The following ZNF746 variants were observed in gnomAD, a reference collection of about 807,000 sequenced individuals.
ZNF746 encodes the protein zinc finger protein 746.
ZNF746 carries 13 observed loss-of-function variants against 41.0 expected under a neutral mutation model. That is an observed-to-expected ratio of 0.32 (90% confidence interval 0.21 to 0.50). The LOEUF (loss-of-function observed/expected upper bound fraction) is 0.50. Among genes scored for constraint, ZNF746 ranks in the 20% least tolerant of loss-of-function variants. ZNF746 has a pLI of 0.98. For synonymous variants in ZNF746, 424 were observed against 396.2 expected (o/e 1.07, Z -0.83); for missense variants, 811 against 922.9 (o/e 0.88, Z 1.57).
At chr7:149,477,153 G>A (rs1220688382) in intron 5 of ZNF746, 106 bp from the exon 6 acceptor site, 1 of 1,397,026 alleles carries the variant, frequency 7.2e-7, no homozygotes, top group Non-Finnish European at 9.5e-7. Context: ...CCCACTGGGG[G>A]CTTTTCTGAG....
rs776729144 is a variant in ZNF746 at position 149,494,086 on chromosome 7, C to A, written c.354G>T (p.Val118=). 1.9e-6 allele frequency: 3 copies of A among 1,614,054 alleles called. No individual in the cohort carries two copies. Among genetic ancestry groups the A allele is most frequent in the Non-Finnish European group, 1.7e-6 (2 of 1,180,052 alleles). ...KVPVTFDDVA[V]YFSEQEWGKL... is the part of the protein sequence containing the mutation. ...TGCCCCACTCCTGCTCGGAGAAATA[C>A]ACGGCCACATCATCAAAGGTCACGG... is the stretch of plus-strand genomic sequence containing the variant. The change falls in exon 3 of 7, where the codon GTG becomes GTT. Residue 118 remains valine (V), a synonymous_variant. Transcript: ENST00000458143. This position sits in a 1 kb window ranked among gnomAD's most constrained non-coding sequence, Gnocchi z 5.6.
chr7:149,474,704 G>A lies in ZNF746; in HGVS notation c.1663C>T (p.Pro555Ser). The change falls in exon 7 of 7, where the codon CCC becomes TCC. Residue 555 changes from proline (P) to serine (S), a missense_variant. By Grantham distance (74) the Pro-to-Ser change is moderately conservative. Coordinates refer to ENST00000458143, the MANE Select transcript of ZNF746 (RefSeq NM_001394198.1). The surrounding 1 kb of genome is among the most constrained non-coding windows in gnomAD (Gnocchi z 6.3). The stretch of plus-strand genomic sequence containing the variant: ...AAGCGCTTCTCACACTCGGTGCAGG[G>A]GAAGGGCCGCTCGCCGGTGTGCAGC... ...RMLHTGERPF[P>S]CTECEKRFTE... 6.2e-7 allele frequency: 1 copy of A among 1,612,676 alleles called. No individual in the cohort carries two copies. Among genetic ancestry groups the A allele is most frequent in the Non-Finnish European group, 8.5e-7 (1 of 1,179,720 alleles).
chr7:149,486,830 G>A (rs773931414), intron 4 of ZNF746, among the ~76,000 whole-genome samples: 7 of 152,194 alleles, frequency 4.6e-5, no homozygotes, highest in Non-Finnish European at 8.8e-5. Context: ...CATGCTGGGT[G>A]TTGGGAATAT....
intron 4 of ZNF746, among the ~76,000 whole-genome samples, chr7:149,481,025 C>A (rs1300552989): frequency 6.6e-6 from 1 of 152,168 alleles, no homozygotes; most frequent in Admixed American, 6.5e-5. Flanking sequence ...AATAAATCCA[C>A]ATCTAGACAC....
chr7:149,491,387 G>C (rs888619225), intron 4 of ZNF746: 4 of 160,042 alleles, frequency 2.5e-5, no homozygotes, highest in African/African-American at 9.6e-5. Context: ...TCCACACATG[G>C]TGTAAATACA....
chr7:149,476,312 TC>T (rs1800299686), intron 6 of ZNF746, among the ~76,000 whole-genome samples: 1 of 22,486 alleles, frequency 4.4e-5, no homozygotes, highest in Admixed American at 8.1e-4. Flanking sequence ...AGACTCCGCC[TC>T]AAAAAAAAAA....
intron 4 of ZNF746, among the ~76,000 whole-genome samples, chr7:149,482,041 A>G (rs573362245): frequency 6.6e-6 from 1 of 152,248 alleles, no homozygotes; most frequent in Admixed American, 6.5e-5. Flanking sequence ...ATGTTACTTC[A>G]ACGTATAATC....
At position 149,497,576 on chromosome 7, in the gene ZNF746, TCGC is replaced by T. The variant is rs1184655298; in HGVS notation, c.-43_-41del. The T allele has an allele frequency of 1.8e-5, 19 of 1,046,374 alleles. No individual in the cohort carries two copies. The highest frequency in any genetic ancestry group is 8.7e-5 in the South Asian group (2 of 22,934). 64.8% of individuals were successfully genotyped at this position (1,046,374 alleles called of 1,614,324 possible). ...CCGCCCGGCCCGGAGGAAGTCGTCG[TCGC>T]CGCCGCCGCGCGCGGCACCACGCAG... On this transcript the variant is annotated 5_prime_UTR_variant, in exon 1 of 7. Transcript: ENST00000458143. This position sits in a 1 kb window ranked among gnomAD's most constrained non-coding sequence, Gnocchi z 4.2.
At chr7:149,483,160 G>A (rs771745007) in intron 4 of ZNF746, among the ~76,000 whole-genome samples, 16 of 151,938 alleles carry the variant, frequency 1.1e-4, no homozygotes, top group East Asian at 5.8e-4. Context: ...AAAATATACC[G>A]CTTTCTAAAT....
At position 149,494,236 on chromosome 7, in the gene ZNF746, G is replaced by A; in HGVS notation, c.292C>T (p.Leu98=). The change falls in exon 2 of 7, where the codon CTG becomes TTG. Residue 98 remains leucine, a synonymous_variant. Coordinates refer to ENST00000458143, the MANE Select transcript of ZNF746 (RefSeq NM_001394198.1). This position sits in a 1 kb window ranked among gnomAD's most constrained non-coding sequence, Gnocchi z 5.6. ...LRNRNFWILR[L]PPGSKGESPK... ...GACTCCCCCTTGCTGCCCGGGGGCA[G>A]CCGCAGGATCCAGAAGTTCCTGTTG... The A allele has an allele frequency of 1.2e-6, 2 of 1,614,186 alleles. No homozygotes were observed. The highest frequency in any genetic ancestry group is 4.5e-5 in the East Asian group (2 of 44,870).
In ZNF746 at chr7:149,472,934, A is replaced by C. The variant is rs1020342624; in HGVS notation, c.*1450T>G. On this transcript the variant is annotated 3_prime_UTR_variant, in exon 7 of 7. Coordinates refer to ENST00000458143, the MANE Select transcript of ZNF746 (RefSeq NM_001394198.1). ...TTTCTTAACTAGTCTATCGCCTAAT[A>C]AAAGTATGCATGAGGGGGCTGAATG... The C allele has an allele frequency of 6.6e-6, 1 of 152,554 alleles. No homozygotes were observed. The highest frequency in any genetic ancestry group is 1.5e-5 in the Non-Finnish European group (1 of 68,028). 9.5% of individuals were successfully genotyped at this position (152,554 alleles called of 1,614,324 possible).
chr7:149,491,985 T>C, intron 4 of ZNF746: 1 of 702,998 alleles, frequency 1.4e-6, no homozygotes, highest in Non-Finnish European at 2.6e-6. Context: ...AATAAATGTG[T>C]GCTTCTAATA....
rs752727884 is a variant in ZNF746, at chr7:149,474,615, G to A, written c.1752C>T (p.Cys584=). Residue 584 remains cysteine, a synonymous_variant, in exon 7 of 7, where the codon TGC becomes TGT. Coordinates refer to ENST00000458143, the MANE Select transcript of ZNF746 (RefSeq NM_001394198.1). The surrounding 1 kb of genome is among the most constrained non-coding windows in gnomAD (Gnocchi z 6.3). The part of the protein sequence containing the change: ...RTHTGVRPFT[C]TVCGKSFIRK... Reference sequence around the variant, plus strand: ...GGATGAAGCTTTTGCCGCAGACGGTGCAGGTGAAGGGCCGCACGCCCGTGT... The same window carrying A: ...GGATGAAGCTTTTGCCGCAGACGGTACAGGTGAAGGGCCGCACGCCCGTGT... 6.2e-7 allele frequency: 1 copy of A among 1,613,586 alleles called. No homozygotes were observed. Among genetic ancestry groups the A allele is most frequent in the African/African-American group, 1.3e-5 (1 of 75,052 alleles).
chr7:149,497,491 T>A lies in ZNF746; in HGVS notation c.24+22A>T. 9.1e-7 allele frequency: 1 copy of A among 1,093,276 alleles called. No individual in the cohort carries two copies. The highest frequency in any genetic ancestry group is 1.7e-5 in the African/African-American group (1 of 59,110). 67.7% of individuals were successfully genotyped at this position (1,093,276 alleles called of 1,614,324 possible). ...CTGGGGCCCCCAGGCCGCGAGTCCCTGCGCGCGCGGGTCGCCCTTACCGGA... is the reference window on the plus strand; with the variant it reads ...CTGGGGCCCCCAGGCCGCGAGTCCCAGCGCGCGCGGGTCGCCCTTACCGGA... On this transcript the variant is annotated intron_variant, in intron 1 of 6. Transcript: ENST00000458143. The surrounding 1 kb of genome is among the most constrained non-coding windows in gnomAD (Gnocchi z 4.2).
At position 149,497,652 on chromosome 7, in the gene ZNF746, C is replaced by T; in HGVS notation, c.-116G>A. 2 of 807,770 alleles carry T rather than the reference C, an allele frequency of 2.5e-6. No individual in the cohort carries two copies. The highest frequency in any genetic ancestry group is 3.0e-6 in the Non-Finnish European group (2 of 663,854). 50.0% of individuals were successfully genotyped at this position (807,770 alleles called of 1,614,324 possible). On this transcript the variant is annotated 5_prime_UTR_variant, in exon 1 of 7. Coordinates refer to ENST00000458143, the MANE Select transcript of ZNF746 (RefSeq NM_001394198.1). This position sits in a 1 kb window ranked among gnomAD's most constrained non-coding sequence, Gnocchi z 4.2. ...GCAGGCGGCGCCTGCCTGGCCTTTC[C>T]TCTGCCGCCGCTCCTCGCTGGCTGC...
intron 6 of ZNF746, among the ~76,000 whole-genome samples, chr7:149,476,616 G>A (rs1800310122): frequency 6.6e-6 from 1 of 152,176 alleles, no homozygotes; most frequent in African/African-American, 2.4e-5. Flanking sequence ...CCAGAGAGAA[G>A]CCACAGTTTC....
intron 4 of ZNF746, among the ~76,000 whole-genome samples, chr7:149,487,031 C>G (rs532065275): frequency 6.6e-6 from 1 of 152,330 alleles, no homozygotes; most frequent in African/African-American, 2.4e-5. Context: ...CACTCCCTGT[C>G]GCTGGCATTA....
At position 149,494,207 on chromosome 7, in the gene ZNF746, AG is replaced by A; in HGVS notation, c.320del (p.Pro107LeufsTer5). On this transcript the variant is annotated frameshift_variant, in exon 2 of 7. Transcript: ENST00000458143. LOFTEE classifies it high-confidence loss of function. This position sits in a 1 kb window ranked among gnomAD's most constrained non-coding sequence, Gnocchi z 5.6. ...RLPPGSKGES[P>X]KVPVTFDDVA... Reference sequence around the variant, plus strand: ...CCCCAAGGCGTCCCAGGGCTACCTTAGGGGACTCCCCCTTGCTGCCCGGGGG... The same window carrying A: ...CCCCAAGGCGTCCCAGGGCTACCTTAGGGACTCCCCCTTGCTGCCCGGGGG... 6.2e-7 allele frequency: 1 copy of A among 1,614,042 alleles called. No individual in the cohort carries two copies. The highest frequency in any genetic ancestry group is 8.5e-7 in the Non-Finnish European group (1 of 1,179,942).
At chr7:149,482,521 A>G (rs1306608983) in intron 4 of ZNF746, among the ~76,000 whole-genome samples, 2 of 151,394 alleles carry the variant, frequency 1.3e-5, no homozygotes, top group Non-Finnish European at 2.9e-5. Flanking sequence ...CTGGAGTGCA[A>G]TGGTGCAATC....
Sources: gnomAD v4.1 joint callset for allele counts (sites outside exome capture counted in the v4.1 genomes callset) on GRCh38, gnomAD v4.1.1 for gene constraint, Gnocchi (gnomAD v3.1) non-coding constraint, MANE v1.5 for transcripts, NCBI Gene and HGNC (gene_info 2026-07-23, HGNC 2026-07-21) for gene names.